The following DOCK7 variants were observed in gnomAD, a reference collection of about 807,000 sequenced individuals.
DOCK7 encodes the protein dedicator of cytokinesis 7, also known as dedicator of cytokinesis protein 7.
Under a neutral mutation model 271.0 loss-of-function variants are expected in DOCK7, and 138 were observed. The observed-to-expected ratio is 0.51, with a 90% CI of 0.44 to 0.59. DOCK7 has a LOEUF of 0.59. Among genes scored for constraint, DOCK7 ranks in the 20% least tolerant of loss-of-function variants. DOCK7 has a pLI of 0.00. For missense variants in DOCK7, 2,066 were observed against 2,592.4 expected, an observed-to-expected ratio of 0.80 and a Z score of 4.41; for synonymous variants, 823 against 876.1, an observed-to-expected ratio of 0.94 and a Z score of 1.07.
At chr1:62,673,453 A>C (rs1660220716) in intron 1 of DOCK7, among the ~76,000 whole-genome samples, 1 of 152,200 alleles carries the variant, frequency 6.6e-6, no homozygotes, top group Non-Finnish European at 1.5e-5. Context: ...TCCCTATTTC[A>C]TGGAACATAT....
chr1:62,638,517 ATC>A (rs1307843167), intron 7 of DOCK7: 1 of 147,854 alleles, frequency 6.8e-6, no homozygotes, highest in Admixed American at 6.8e-5. Flanking sequence ...CTATTTTCAT[ATC>A]TATATATATG....
intron 14 of DOCK7, among the ~76,000 whole-genome samples, chr1:62,594,957 T>C (rs1649005290): frequency 6.6e-6 from 1 of 152,200 alleles, no homozygotes; most frequent in Non-Finnish European, 1.5e-5. Context: ...TAATTACAAC[T>C]GTAACTTTTC....
In DOCK7 at chr1:62,494,263, G is replaced by T. The variant is rs777364914; in HGVS notation, c.5217+12C>A. 2.6e-6 allele frequency: 4 copies of T among 1,565,086 alleles called. No homozygotes were observed. The highest frequency in any genetic ancestry group is 3.5e-6 in the Non-Finnish European group (4 of 1,145,186). ...TATACCTTGATTTAATGTACATCTG[G>T]AAGATTCCTACCTGAAATGTTACAC... On this transcript the variant is annotated intron_variant, in intron 40 of 49. Coordinates refer to ENST00000635253, the MANE Select transcript of DOCK7 (RefSeq NM_001367561.1).
chr1:62,522,048 T>C (rs755958208), intron 31 of DOCK7, among the ~76,000 whole-genome samples: 2 of 151,784 alleles, frequency 1.3e-5, no homozygotes, highest in Non-Finnish European at 2.9e-5. Context: ...ACTTCAATAG[T>C]CTCACAGATA....
At chr1:62,590,999 G>A (rs2366636) in intron 14 of DOCK7, among the ~76,000 whole-genome samples, 63,238 of 151,796 alleles carry the variant, frequency 0.42, 15,004 homozygotes, top group African/African-American at 0.65. Flanking sequence ...GTATATACCC[G>A]GAGGAATATA....
At chr1:62,680,829 A>G (rs542565188) in intron 1 of DOCK7, among the ~76,000 whole-genome samples, 145 of 152,188 alleles carry the variant, frequency 9.5e-4, no homozygotes, top group African/African-American at 3.3e-3. Flanking sequence ...TCAAAACCAC[A>G]ATGAGACACC....
chr1:62,455,457 C>A lies in DOCK7; in HGVS notation c.6381-1G>T. Reference sequence around the variant, plus strand: ...AAGGCTCATTCGACTGAAGGAATCTCTGGGAAAAAAATGAGAGGACATAGT... The same window carrying A: ...AAGGCTCATTCGACTGAAGGAATCTATGGGAAAAAAATGAGAGGACATAGT... On this transcript the variant is annotated splice_acceptor_variant, in intron 49 of 49. Coordinates refer to ENST00000635253, the MANE Select transcript of DOCK7 (RefSeq NM_001367561.1). LOFTEE classifies it high-confidence loss of function. 1 of 1,613,230 alleles carries A rather than the reference C, an allele frequency of 6.2e-7. No individual in the cohort carries two copies.
chr1:62,537,813 T>C (rs1159338804), intron 28 of DOCK7, 78 bp downstream of exon 28: 26 of 1,291,232 alleles, frequency 2.0e-5, no homozygotes, highest in Non-Finnish European at 2.8e-5. Context: ...ATTCAATAAG[T>C]GTTATTTTTT....
intron 15 of DOCK7, among the ~76,000 whole-genome samples, chr1:62,585,819 T>A (rs1162742586): frequency 1.3e-5 from 2 of 152,192 alleles, no homozygotes; most frequent in African/African-American, 4.8e-5. Context: ...AATCTTCTAA[T>A]AATTAGCACA....
intron 37 of DOCK7, among the ~76,000 whole-genome samples, chr1:62,502,905 T>A (rs556426218): frequency 6.6e-6 from 1 of 152,188 alleles, no homozygotes; most frequent in African/African-American, 2.4e-5. Context: ...ATGTTGTATA[T>A]GAGAGGCACA....
At position 62,542,597 on chromosome 1, in the gene DOCK7, T is replaced by C. The variant is rs1645572033; in HGVS notation, c.3045+11A>G. 2 of 1,605,008 alleles carry C rather than the reference T, an allele frequency of 1.2e-6. No homozygotes were observed. Among genetic ancestry groups the C allele is most frequent in the Non-Finnish European group, 8.5e-7 (1 of 1,176,266 alleles). ...AAAAAATATTAAAGAACATGCTCAGTTTTTGCTCACCATTAATTCAAAAAA... is the reference window on the plus strand; with the variant it reads ...AAAAAATATTAAAGAACATGCTCAGCTTTTGCTCACCATTAATTCAAAAAA... On this transcript the variant is annotated intron_variant, in intron 25 of 49. Coordinates refer to ENST00000635253, the MANE Select transcript of DOCK7 (RefSeq NM_001367561.1).
chr1:62,464,714 CA>C lies in DOCK7; in HGVS notation c.6213-7010del, dbSNP rs937632253. Among the ~76,000 whole-genome samples, 336 of 142,804 alleles carry C rather than the reference CA, an allele frequency of 2.4e-3. 2 individuals are homozygous for C. The highest frequency in any genetic ancestry group is 7.7e-3 in the African/African-American group (301 of 39,166). The allele number at this position is 142,804 out of a possible 152,430, so 93.7% of individuals were successfully genotyped here. On this transcript the variant is annotated intron_variant, in intron 48 of 49. Coordinates refer to ENST00000635253, the MANE Select transcript of DOCK7 (RefSeq NM_001367561.1). ...CAAAAACAAAAACAAACAGACTGAC[CA>C]AAAAAAAAAATCCTATTTAAATGCA...
At chr1:62,617,380 T>C (rs1448366465) in intron 14 of DOCK7, among the ~76,000 whole-genome samples, 1 of 151,998 alleles carries the variant, frequency 6.6e-6, no homozygotes, top group East Asian at 1.9e-4. Context: ...CAGGAATGAA[T>C]GATTTGATTT....
rs192360184 is a variant in DOCK7 at position 62,548,600 on chromosome 1, T to C, written c.2767-3561A>G. ...CACACCCAGCTAATTTTTCTATTTTTAGTAGAGACGGGGTTTCTCCATGTT... is the reference window on the plus strand; with the variant it reads ...CACACCCAGCTAATTTTTCTATTTTCAGTAGAGACGGGGTTTCTCCATGTT... On this transcript the variant is annotated intron_variant, in intron 22 of 49. Transcript: ENST00000635253. Among the ~76,000 whole-genome samples the C allele has an allele frequency of 3.6e-3, 545 of 152,182 alleles. 4 individuals carry two copies. The highest frequency in any genetic ancestry group is 4.4e-3 in the Non-Finnish European group (298 of 68,002).
chr1:62,580,261 T>C (rs1269074190), intron 16 of DOCK7, among the ~76,000 whole-genome samples: 1 of 152,118 alleles, frequency 6.6e-6, no homozygotes, highest in Non-Finnish European at 1.5e-5. Flanking sequence ...AGGCTTTTGA[T>C]AATAAACAAG....
At chr1:62,515,038 T>A (rs1644618867) in intron 31 of DOCK7, among the ~76,000 whole-genome samples, 1 of 151,982 alleles carries the variant, frequency 6.6e-6, no homozygotes, top group African/African-American at 2.4e-5. Flanking sequence ...CCTTCTATAG[T>A]GGATGATAAT....
At chr1:62,537,500 C>T (rs1234879327) in intron 28 of DOCK7, among the ~76,000 whole-genome samples, 2 of 150,576 alleles carry the variant, frequency 1.3e-5, no homozygotes, top group Admixed American at 6.7e-5. Flanking sequence ...GCAGGAGAAT[C>T]GCTTGAACCC....
At chr1:62,682,420 G>A (rs541220493) in intron 1 of DOCK7, among the ~76,000 whole-genome samples, 1 of 152,284 alleles carries the variant, frequency 6.6e-6, no homozygotes, top group African/African-American at 2.4e-5. Flanking sequence ...CACTTTATGT[G>A]TCAGATATCC....
chr1:62,670,619 ACT>A (rs1244120280), intron 1 of DOCK7, among the ~76,000 whole-genome samples: 5 of 151,910 alleles, frequency 3.3e-5, no homozygotes, highest in Non-Finnish European at 5.9e-5. Flanking sequence ...ACCAATCGAC[ACT>A]CTGTATCTAG....
Sources: allele counts gnomAD v4.1 joint callset (sites outside exome capture counted in the v4.1 genomes callset), GRCh38; gene constraint gnomAD v4.1.1; transcripts MANE v1.5; gene names NCBI Gene and HGNC (gene_info 2026-07-23, HGNC 2026-07-21).